The following TMPRSS15 variants were observed in gnomAD, a reference collection of about 807,000 sequenced individuals.
The protein encoded by TMPRSS15 is transmembrane serine protease 15, also known as enteropeptidase.
TMPRSS15 carries 128 observed loss-of-function variants against 125.3 expected under a neutral mutation model. That is an observed-to-expected ratio of 1.02 (90% CI 0.89 to 1.18). The LOEUF (loss-of-function observed/expected upper bound fraction) is 1.18, where lower values mean the gene tolerates loss of function less well. TMPRSS15 is among the 50% of genes most tolerant of loss of function. The pLI is 0.00. For synonymous variants in TMPRSS15, 446 were observed against 423.2 expected, an observed-to-expected ratio of 1.05 and a Z score of -0.66; for missense variants, 1,283 against 1,212.7, an observed-to-expected ratio of 1.06 and a Z score of -0.86.
intron 1 of TMPRSS15, among the ~76,000 whole-genome samples, chr21:18,478,503 C>T (rs1462415823): frequency 1.3e-5 from 2 of 151,972 alleles, no homozygotes; most frequent in Non-Finnish European, 2.9e-5. Flanking sequence ...GTATATTCAT[C>T]GAAACTAAGA....
intron 1 of TMPRSS15, among the ~76,000 whole-genome samples, chr21:18,434,402 C>T (rs957022076): frequency 6.6e-6 from 1 of 151,992 alleles, no homozygotes; most frequent in Non-Finnish European, 1.5e-5. Flanking sequence ...AATCAGAGAG[C>T]TAAATATTCC....
At chr21:18,337,154 A>G (rs1420016914) in intron 13 of TMPRSS15, among the ~76,000 whole-genome samples, 1 of 152,216 alleles carries the variant, frequency 6.6e-6, no homozygotes, top group African/African-American at 2.4e-5. Flanking sequence ...TCAGCCTCCC[A>G]AAGTGCTGGG....
chr21:18,276,484 G>A (rs1601251947), intron 23 of TMPRSS15, among the ~76,000 whole-genome samples: 1 of 152,160 alleles, frequency 6.6e-6, no homozygotes, highest in African/African-American at 2.4e-5. Flanking sequence ...GCATCTCACT[G>A]TTATCCATTC....
intron 21 of TMPRSS15, among the ~76,000 whole-genome samples, chr21:18,291,367 A>G (rs1220018722): frequency 6.6e-6 from 1 of 152,262 alleles, no homozygotes; most frequent in Non-Finnish European, 1.5e-5. Flanking sequence ...ACCACGATAG[A>G]GAAACCGAAC....
At chr21:18,280,460 A>G (rs548893770) in intron 22 of TMPRSS15, among the ~76,000 whole-genome samples, 1 of 151,080 alleles carries the variant, frequency 6.6e-6, no homozygotes, top group South Asian at 2.1e-4. Context: ...ATGCACCCGT[A>G]GTCTACCTGG....
intron 10 of TMPRSS15, among the ~76,000 whole-genome samples, chr21:18,344,996 C>G (rs2075489993): frequency 6.6e-6 from 1 of 152,116 alleles, no homozygotes; most frequent in Non-Finnish European, 1.5e-5. Flanking sequence ...AAACTTTAAA[C>G]TCATTCATTT....
At chr21:18,284,635 C>T (rs180723147) in intron 21 of TMPRSS15, among the ~76,000 whole-genome samples, 5 of 152,204 alleles carry the variant, frequency 3.3e-5, no homozygotes, top group African/African-American at 4.8e-5. Context: ...AGAGCTATAG[C>T]GCTGAAGATA....
chr21:18,466,447 A>G (rs887543658), intron 1 of TMPRSS15, among the ~76,000 whole-genome samples: 1 of 151,448 alleles, frequency 6.6e-6, no homozygotes, highest in Admixed American at 6.6e-5. Context: ...CTGCACAGCA[A>G]AAAAAAAACT....
At chr21:18,422,844 G>T (rs976792787) in intron 1 of TMPRSS15, among the ~76,000 whole-genome samples, 4 of 152,154 alleles carry the variant, frequency 2.6e-5, no homozygotes, top group African/African-American at 9.7e-5. Context: ...GCAAATAAGA[G>T]AAACTTGTGA....
intron 22 of TMPRSS15, among the ~76,000 whole-genome samples, chr21:18,280,739 T>TAGAGAGGGC (rs2074688502): frequency 1.3e-5 from 2 of 152,166 alleles, no homozygotes; most frequent in South Asian, 4.1e-4. Flanking sequence ...ACATGAAAAA[T>TAGAGAGGGC]AGAGAGGGCA....
At chr21:18,274,622 A>G (rs1182450248) in intron 24 of TMPRSS15, among the ~76,000 whole-genome samples, 1 of 152,228 alleles carries the variant, frequency 6.6e-6, no homozygotes, top group East Asian at 1.9e-4. Context: ...AAACGATAAT[A>G]TAAAAGCCAG....
chr21:18,315,244 G>A lies in TMPRSS15; in HGVS notation c.1934C>T (p.Ala645Val), dbSNP rs745742701. Residue 645 changes from alanine to valine, a missense_variant, in exon 17 of 25, where the codon GCA (alanine) becomes GTA (valine). Transcript: ENST00000284885. ...YHLGIPEPCK[A>V]DHFQCKNGEC... ...TCCATTTTTACATTGAAAATGGTCT[G>A]CCTTGCATGGCTCTATGGGGAAAGA... 3.7e-6 allele frequency: 6 copies of A among 1,612,502 alleles called. No homozygotes were observed. The highest frequency in any genetic ancestry group is 2.2e-5 in the East Asian group (1 of 44,866).
Position 18,305,334 on chromosome 21 carries a change from G to A in TMPRSS15, c.2166-7505C>T, listed in dbSNP as rs956170876. ...CTCCCGAGTAGCTGGGACTACAGGC[G>A]CCCGCCACCGCGCCCGGCTAATTTT... On this transcript the variant is annotated intron_variant, in intron 18 of 24. Transcript: ENST00000284885. Among the ~76,000 whole-genome samples the A allele has an allele frequency of 8.6e-5, 13 of 151,738 alleles. No homozygotes were observed. The South Asian group carries it at 1.2e-3, about 15-fold the overall frequency.
At chr21:18,331,988 G>A in intron 14 of TMPRSS15, 96 bp downstream of exon 14, 2 of 1,087,274 alleles carry the variant, frequency 1.8e-6, no homozygotes, top group East Asian at 2.4e-5. Flanking sequence ...GCGTACCCAT[G>A]TTTGACAAAT....
chr21:18,417,809 G>A (rs543414636), intron 1 of TMPRSS15, among the ~76,000 whole-genome samples: 3 of 152,276 alleles, frequency 2.0e-5, no homozygotes, highest in Non-Finnish European at 2.9e-5. Flanking sequence ...GCAGCAATGT[G>A]TCAGTCAAAA....
intron 15 of TMPRSS15, among the ~76,000 whole-genome samples, chr21:18,328,239 T>A (rs2075312150): frequency 6.6e-6 from 1 of 152,178 alleles, no homozygotes. Flanking sequence ...CTCCCTAGCC[T>A]TATTTTAAAA....
chr21:18,405,848 G>T (rs1004436138), upstream of TMPRSS15, among the ~76,000 whole-genome samples: 1 of 151,870 alleles, frequency 6.6e-6, no homozygotes, highest in Non-Finnish European at 1.5e-5. Flanking sequence ...TTTTAGAAAA[G>T]GATTCAAAAA....
At chr21:18,476,281 A>G (rs1249043430) in intron 1 of TMPRSS15, among the ~76,000 whole-genome samples, 1 of 152,168 alleles carries the variant, frequency 6.6e-6, no homozygotes, top group Non-Finnish European at 1.5e-5. Flanking sequence ...ACAAGAAAAG[A>G]TACATTTACT....
intron 14 of TMPRSS15, among the ~76,000 whole-genome samples, chr21:18,331,332 G>T (rs13046051): frequency 1.3e-5 from 2 of 151,876 alleles, no homozygotes; most frequent in Non-Finnish European, 1.5e-5. Flanking sequence ...ATTTAGCTTA[G>T]TGGCCTTAAC....
Sources: allele counts gnomAD v4.1 joint callset (sites outside exome capture counted in the v4.1 genomes callset), GRCh38; gene constraint gnomAD v4.1.1; transcripts MANE v1.5; gene names NCBI Gene and HGNC (gene_info 2026-07-23, HGNC 2026-07-21).